Variants in TASP1 observed in about 807,000 individuals in gnomAD.
The protein encoded by TASP1 is threonine aspartase 1.
A neutral mutation model predicts 56.6 loss-of-function variants in TASP1; 16 were observed. The observed-to-expected ratio is 0.28, with a 90% CI of 0.19 to 0.43. The LOEUF (loss-of-function observed/expected upper bound fraction) is 0.43, where lower values mean the gene tolerates loss of function less well. TASP1 is among the 20% of genes least tolerant of loss of function. The probability of loss-of-function intolerance (pLI) is 1.00; values close to 1 mark genes in which losing one functional copy is unlikely to be tolerated. For synonymous variants in TASP1, 179 were observed against 184.2 expected, an observed-to-expected ratio of 0.97 and a Z score of 0.23; for missense variants, 393 against 511.6, an observed-to-expected ratio of 0.77 and a Z score of 2.24.
At chr20:13,191,784 T>C in the TASP1 span, among the ~76,000 whole-genome samples, 1 of 152,240 alleles carries the variant, frequency 6.6e-6, no homozygotes, top group African/African-American at 2.4e-5. Context: ...TTTGGGGTGA[T>C]GGATATTTGA....
At chr20:13,619,621 A>G (rs754848965) in intron 4 of TASP1, among the ~76,000 whole-genome samples, 110 of 152,220 alleles carry the variant, frequency 7.2e-4, no homozygotes, top group Non-Finnish European at 1.2e-3. Flanking sequence ...ATGCAAAATT[A>G]TGGTCCAGAA....
chr20:13,596,390 C>T (rs1442139122), intron 4 of TASP1, among the ~76,000 whole-genome samples: 1 of 147,380 alleles, frequency 6.8e-6, no homozygotes, highest in Non-Finnish European at 1.5e-5. Flanking sequence ...AAAAAAAATG[C>T]ACAATTACAT....
At chr20:13,198,349 A>T in the TASP1 span, among the ~76,000 whole-genome samples, 1 of 152,062 alleles carries the variant, frequency 6.6e-6, no homozygotes, top group Non-Finnish European at 1.5e-5. Flanking sequence ...CAGATGGCTG[A>T]CTTCTCGTTG....
chr20:13,394,640 T>A (rs1380124220), intron 13 of TASP1, among the ~76,000 whole-genome samples: 1 of 151,824 alleles, frequency 6.6e-6, no homozygotes, highest in Admixed American at 6.6e-5. Flanking sequence ...GTTTTTTTTT[T>A]AAAGTATAGA....
rs1228588107 is a variant in TASP1 at position 13,417,534 on chromosome 20, A to C, written c.1097-13T>G. On this transcript the variant is annotated splice_polypyrimidine_tract_variant and intron_variant, in intron 12 of 13. Coordinates refer to ENST00000337743, the MANE Select transcript of TASP1 (RefSeq NM_017714.3). ...CACAGAAATTCCACTGCCATAAAAG[A>C]GAACACAAATAGGCACATTCAGATC... 1.9e-6 allele frequency: 3 copies of C among 1,613,864 alleles called. No homozygotes were observed. Among genetic ancestry groups the C allele is most frequent in the Non-Finnish European group, 2.5e-6 (3 of 1,179,916 alleles).
At chr20:13,261,757 T>C in the TASP1 span, among the ~76,000 whole-genome samples, 10 of 152,174 alleles carry the variant, frequency 6.6e-5, no homozygotes, top group East Asian at 1.7e-3. Context: ...TTCTTAACTT[T>C]AGTGTTGAGA....
chr20:13,468,160 C>T (rs530532400), intron 11 of TASP1, among the ~76,000 whole-genome samples: 3 of 152,098 alleles, frequency 2.0e-5, no homozygotes, highest in East Asian at 3.9e-4. Context: ...AAGCCTGCTA[C>T]TTGATTTTAA....
At chr20:13,125,861 C>T in the TASP1 span, among the ~76,000 whole-genome samples, 43 of 152,320 alleles carry the variant, frequency 2.8e-4, no homozygotes, top group African/African-American at 1.0e-3. Flanking sequence ...CAGATTAATC[C>T]GCCTTTTGAT....
the TASP1 span, among the ~76,000 whole-genome samples, chr20:13,271,735 C>G: frequency 6.6e-6 from 1 of 152,164 alleles, no homozygotes; most frequent in Non-Finnish European, 1.5e-5. Flanking sequence ...GCTCATCCCC[C>G]GGGCAACCCA....
chr20:13,539,652 G>C (rs1490460044), intron 8 of TASP1, among the ~76,000 whole-genome samples: 1 of 152,112 alleles, frequency 6.6e-6, no homozygotes, highest in African/African-American at 2.4e-5. Flanking sequence ...TAAAAATAAC[G>C]TGTTTGAACC....
chr20:13,328,862 C>T, the TASP1 span, among the ~76,000 whole-genome samples: 4 of 152,038 alleles, frequency 2.6e-5, no homozygotes, highest in Admixed American at 2.6e-4. Context: ...GGGCTTAATA[C>T]CTGGGTGATG....
chr20:13,588,825 T>C (rs1006586861), intron 4 of TASP1, among the ~76,000 whole-genome samples: 6 of 152,120 alleles, frequency 3.9e-5, no homozygotes, highest in Non-Finnish European at 7.4e-5. Context: ...AAAATTCATA[T>C]GGAAATGCAA....
chr20:13,501,988 C>T (rs1000540960), intron 10 of TASP1, among the ~76,000 whole-genome samples: 3 of 151,734 alleles, frequency 2.0e-5, no homozygotes, highest in Admixed American at 6.6e-5. Context: ...GAAGACATAA[C>T]AATCTAAATG....
chr20:13,455,940 A>G (rs1294179138), intron 11 of TASP1, among the ~76,000 whole-genome samples: 1 of 152,114 alleles, frequency 6.6e-6, no homozygotes, highest in African/African-American at 2.4e-5. Context: ...CAAACTCTCC[A>G]CTCGCCAGGT....
At chr20:13,559,149 A>C (rs1426687057) in intron 7 of TASP1, 35 bp from the exon 8 acceptor site, 14 of 1,357,330 alleles carry the variant, frequency 1.0e-5, no homozygotes, top group Non-Finnish European at 1.4e-5. Flanking sequence ...TAAATATAAC[A>C]TTTAAGAAAT....
intron 7 of TASP1, among the ~76,000 whole-genome samples, chr20:13,568,301 C>G (rs1049589782): frequency 6.6e-6 from 1 of 152,120 alleles, no homozygotes; most frequent in African/African-American, 2.4e-5. Flanking sequence ...GAGTGCACGA[C>G]CACACCTGGC....
the TASP1 span, among the ~76,000 whole-genome samples, chr20:13,104,921 A>C: frequency 9.2e-5 from 14 of 152,312 alleles, no homozygotes; most frequent in African/African-American, 1.9e-4. Context: ...CAAAAAACAA[A>C]AACCTAACAG....
chr20:13,202,472 CACA>C, the TASP1 span, among the ~76,000 whole-genome samples: 15 of 152,104 alleles, frequency 9.9e-5, no homozygotes, highest in Non-Finnish European at 1.6e-4. Context: ...AAAAGCAGCT[CACA>C]ACGTTTCTGA....
the TASP1 span, chr20:13,154,035 A>C: frequency 6.2e-7 from 1 of 1,614,128 alleles, no homozygotes; most frequent in East Asian, 2.2e-5. Flanking sequence ...TGCGAAAAAC[A>C]CAAGATACTT....
Sources: gnomAD v4.1 joint callset for allele counts (sites outside exome capture counted in the v4.1 genomes callset) on GRCh38, gnomAD v4.1.1 for gene constraint, MANE v1.5 for transcripts, NCBI Gene and HGNC (gene_info 2026-07-23, HGNC 2026-07-21) for gene names.